FBXL7: variants seen among roughly 807,000 people sequenced by gnomAD.
FBXL7 encodes the protein F-box/LRR-repeat protein 7.
Under a neutral mutation model 38.3 loss-of-function variants are expected in FBXL7, and 12 were observed. The ratio of observed to expected loss-of-function variants is 0.31; its 90% CI spans 0.20 to 0.51. The LOEUF (loss-of-function observed/expected upper bound fraction) is 0.51, where lower values mean the gene tolerates loss of function less well. Among genes scored for constraint, FBXL7 ranks in the 20% least tolerant of loss-of-function variants. FBXL7 has a pLI of 0.98. For missense variants in FBXL7, 567 were observed against 676.4 expected (o/e 0.84, Z 1.79); for synonymous variants, 297 against 300.9 (o/e 0.99, Z 0.13).
chr5:15,784,737 T>C (rs1308273797), intron 2 of FBXL7, among the ~76,000 whole-genome samples: 2 of 152,030 alleles, frequency 1.3e-5, no homozygotes, highest in Non-Finnish European at 2.9e-5. Flanking sequence ...GTGTAAAAGC[T>C]CCCTGAGGCC....
At chr5:15,848,536 C>G (rs1330575238) in intron 2 of FBXL7, among the ~76,000 whole-genome samples, 1 of 152,106 alleles carries the variant, frequency 6.6e-6, no homozygotes, top group Non-Finnish European at 1.5e-5. Context: ...CACCTGCCAC[C>G]ACGCCCAGCT....
At chr5:15,596,932 A>G (rs1739642070) in intron 1 of FBXL7, among the ~76,000 whole-genome samples, 1 of 152,216 alleles carries the variant, frequency 6.6e-6, no homozygotes, top group African/African-American at 2.4e-5. Context: ...ATAGTAAGCC[A>G]GTAAACCTAA....
intron 2 of FBXL7, among the ~76,000 whole-genome samples, 152 bp downstream of exon 2, chr5:15,616,224 G>T (rs1740448768): frequency 6.6e-6 from 1 of 151,586 alleles, no homozygotes; most frequent in Non-Finnish European, 1.5e-5. Context: ...CCTAAGTTTT[G>T]TTGTTGTTGT....
intron 2 of FBXL7, among the ~76,000 whole-genome samples, chr5:15,638,989 T>G (rs909311284): frequency 2.6e-5 from 4 of 152,202 alleles, no homozygotes; most frequent in African/African-American, 9.6e-5. Flanking sequence ...TAGTCTGGTT[T>G]TTCCTGGTCG....
chr5:15,637,231 T>C (rs909677769), intron 2 of FBXL7, among the ~76,000 whole-genome samples: 1 of 152,110 alleles, frequency 6.6e-6, no homozygotes, highest in African/African-American at 2.4e-5. Context: ...TGGGCAGAAA[T>C]TGGAGCCAGT....
chr5:15,554,210 C>T (rs1738167439), intron 1 of FBXL7, among the ~76,000 whole-genome samples: 1 of 152,146 alleles, frequency 6.6e-6, no homozygotes, highest in South Asian at 2.1e-4. Context: ...GGTGAGCCGC[C>T]ATCCCTGAGG....
At chr5:15,857,947 T>C (rs1739320129) in intron 2 of FBXL7, among the ~76,000 whole-genome samples, 1 of 152,136 alleles carries the variant, frequency 6.6e-6, no homozygotes, top group Non-Finnish European at 1.5e-5. Flanking sequence ...TGAGGACCGA[T>C]AGATATAAGT....
chr5:15,747,759 T>C, intron 2 of FBXL7, among the ~76,000 whole-genome samples: 1 of 152,274 alleles, frequency 6.6e-6, no homozygotes, highest in South Asian at 2.1e-4. Context: ...ATCCAGGTTT[T>C]CCATCTGTAA....
At chr5:15,619,987 C>G (rs1182299313) in intron 2 of FBXL7, among the ~76,000 whole-genome samples, 2 of 152,052 alleles carry the variant, frequency 1.3e-5, no homozygotes, top group Non-Finnish European at 2.9e-5. Flanking sequence ...AACAGAGGGC[C>G]CTCACATAAC....
intron 2 of FBXL7, among the ~76,000 whole-genome samples, chr5:15,726,430 TA>T (rs1273613180): frequency 6.6e-6 from 1 of 151,650 alleles, no homozygotes; most frequent in Non-Finnish European, 1.5e-5. Flanking sequence ...CATCGCCCCT[TA>T]AAAAAATAAA....
intron 2 of FBXL7, among the ~76,000 whole-genome samples, chr5:15,620,331 CA>C (rs1740589333): frequency 6.7e-6 from 1 of 149,318 alleles, no homozygotes; most frequent in Non-Finnish European, 1.5e-5. Flanking sequence ...CTCCCAGGTT[CA>C]AGCGATTCTC....
chr5:15,739,850 T>A (rs1735849513), intron 2 of FBXL7, among the ~76,000 whole-genome samples: 1 of 152,186 alleles, frequency 6.6e-6, no homozygotes, highest in Non-Finnish European at 1.5e-5. Flanking sequence ...GTGTACAAGT[T>A]TTTGTGTGCA....
chr5:15,519,748 A>G (rs984273503), intron 1 of FBXL7, among the ~76,000 whole-genome samples: 8 of 152,204 alleles, frequency 5.3e-5, no homozygotes, highest in Non-Finnish European at 1.2e-4. Flanking sequence ...GTGTATTGGT[A>G]TGATTTGAAG....
intron 2 of FBXL7, among the ~76,000 whole-genome samples, chr5:15,678,418 A>C (rs1172930682): frequency 6.6e-6 from 1 of 152,198 alleles, no homozygotes; most frequent in Admixed American, 6.5e-5. Flanking sequence ...TCATATATGT[A>C]AGAAAGCATG....
chr5:15,648,579 C>T lies in FBXL7; in HGVS notation c.127+32507C>T, dbSNP rs142720456. On this transcript the variant is annotated intron_variant, in intron 2 of 3. Coordinates refer to ENST00000504595, the MANE Select transcript of FBXL7 (RefSeq NM_012304.5). ...ACAGTTCAATATTCACAGTGCCAAGCGGATCAGACCCCATGATGGCTTCAA... is the reference window on the plus strand; with the variant it reads ...ACAGTTCAATATTCACAGTGCCAAGTGGATCAGACCCCATGATGGCTTCAA... 1.6e-3 allele frequency among the ~76,000 whole-genome samples: 242 copies of T among 152,324 alleles called. 1 individual carries two copies. The highest frequency in any genetic ancestry group is 5.4e-3 in the African/African-American group (224 of 41,568).
chr5:15,924,632 CT>C (rs34865383), intron 2 of FBXL7, among the ~76,000 whole-genome samples: 5,159 of 119,990 alleles, frequency 0.043, 81 homozygotes, highest in Non-Finnish European at 0.044. Context: ...TCTCATTATT[CT>C]TTTTTTTTTT....
intron 2 of FBXL7, among the ~76,000 whole-genome samples, chr5:15,627,055 G>T (rs1427331567): frequency 6.6e-6 from 1 of 152,124 alleles, no homozygotes; most frequent in African/African-American, 2.4e-5. Context: ...GTTTAATAAT[G>T]ATTTCGGTGG....
chr5:15,704,750 A>C (rs1239258924), intron 2 of FBXL7, among the ~76,000 whole-genome samples: 1 of 152,208 alleles, frequency 6.6e-6, no homozygotes, highest in Non-Finnish European at 1.5e-5. Context: ...AACTACTTAA[A>C]ATACTTTGTG....
chr5:15,935,150 T>G, intron 3 of FBXL7: 1 of 534,548 alleles, frequency 1.9e-6, no homozygotes. Flanking sequence ...GTTGGAGGAA[T>G]GAGGTAAAAG....
Sources: allele counts gnomAD v4.1 joint callset (sites outside exome capture counted in the v4.1 genomes callset), GRCh38; gene constraint gnomAD v4.1.1; transcripts MANE v1.5; gene names NCBI Gene and HGNC (gene_info 2026-07-23, HGNC 2026-07-21).